The following GPM6A variants were observed in gnomAD, a reference collection of about 807,000 sequenced individuals.
GPM6A encodes glycoprotein M6A.
GPM6A carries 7 observed loss-of-function variants against 32.1 expected under a neutral mutation model. The ratio of observed to expected loss-of-function variants is 0.22; its 90% CI spans 0.12 to 0.41. GPM6A has a LOEUF of 0.41. Ranked by LOEUF, GPM6A falls within the 10% of genes least tolerant of loss-of-function variation. The probability of loss-of-function intolerance (pLI) is 1.00; values close to 1 mark genes in which losing one functional copy is unlikely to be tolerated. For missense variants in GPM6A, 235 were observed against 347.2 expected, an observed-to-expected ratio of 0.68 and a Z score of 2.57; for synonymous variants, 130 against 123.4, an observed-to-expected ratio of 1.05 and a Z score of -0.35.
rs113609306 is a variant in GPM6A, at chr4:175,760,749, A to G, written c.37+51442T>C. On this transcript the variant is annotated intron_variant, in intron 1 of 6. Coordinates refer to ENST00000393658, the MANE Select transcript of GPM6A (RefSeq NM_201591.3). ...AATGGATGCAGGTAGAGAGAGAGAG[A>G]GAGAAATAGATACAGAGATATACAC... 5.1e-3 allele frequency among the ~76,000 whole-genome samples: 782 copies of G among 152,240 alleles called. 6 individuals are homozygous for G. The highest frequency in any genetic ancestry group is 0.017 in the African/African-American group (717 of 41,554).
chr4:175,767,760 C>A (rs1264079030), intron 1 of GPM6A, among the ~76,000 whole-genome samples: 1 of 152,178 alleles, frequency 6.6e-6, no homozygotes, highest in African/African-American at 2.4e-5. Flanking sequence ...TAAATATGTT[C>A]AGCAGACACA....
At chr4:175,967,391 A>G (rs1561015528) in intron 1 of GPM6A, among the ~76,000 whole-genome samples, 1 of 152,192 alleles carries the variant, frequency 6.6e-6, no homozygotes, top group Non-Finnish European at 1.5e-5. Flanking sequence ...GTCCTTGCTC[A>G]TCACTCGTTT....
At chr4:175,898,878 G>A (rs1022243979) in intron 1 of GPM6A, among the ~76,000 whole-genome samples, 4 of 152,214 alleles carry the variant, frequency 2.6e-5, no homozygotes, top group Non-Finnish European at 5.9e-5. Context: ...ACAAGGATTC[G>A]ATTACTCATT....
intron 4 of GPM6A, among the ~76,000 whole-genome samples, chr4:175,649,610 C>T (rs771099038): frequency 4.2e-4 from 64 of 152,246 alleles, no homozygotes; most frequent in East Asian, 1.7e-3. Context: ...GCTAATCTCT[C>T]GTGTATTTCT....
intron 1 of GPM6A, among the ~76,000 whole-genome samples, chr4:175,875,634 T>C (rs1353568721): frequency 6.6e-6 from 1 of 152,212 alleles, no homozygotes; most frequent in African/African-American, 2.4e-5. Flanking sequence ...TGCTGGTTAC[T>C]GGTAAAACCA....
chr4:175,685,896 A>G (rs2111021242), intron 2 of GPM6A, among the ~76,000 whole-genome samples: 1 of 152,152 alleles, frequency 6.6e-6, no homozygotes, highest in East Asian at 1.9e-4. Context: ...TTCTAGATTG[A>G]AGTAAAAATG....
intron 1 of GPM6A, among the ~76,000 whole-genome samples, chr4:175,781,730 TGTGG>T (rs1224367089): frequency 2.0e-5 from 3 of 152,194 alleles, no homozygotes. Context: ...TTCTAAAGGC[TGTGG>T]AACTTTGGGT....
At chr4:175,947,111 G>T (rs1739633631) in intron 1 of GPM6A, among the ~76,000 whole-genome samples, 1 of 151,598 alleles carries the variant, frequency 6.6e-6, no homozygotes, top group African/African-American at 2.4e-5. Flanking sequence ...TGCCATAAAA[G>T]GACCAAATAA....
chr4:175,742,808 T>C (rs1319316081), intron 1 of GPM6A, among the ~76,000 whole-genome samples: 2 of 152,050 alleles, frequency 1.3e-5, no homozygotes, highest in Non-Finnish European at 2.9e-5. Context: ...CCTAAATATG[T>C]TGAGAATACG....
At position 175,838,090 on chromosome 4, in the gene GPM6A, A is replaced by AACACACACACAC. The variant is rs763166079; in HGVS notation, c.-22-25853_-22-25842dup. ...TAGCCGTTCAGTAGGCCTTGGTTAA[A>AACACACACACAC]ACACACACACACACACACACAGACA... On this transcript the variant is annotated intron_variant, in intron 1 of 7. Transcript: ENST00000280187. Among the ~76,000 whole-genome samples, 27 of 114,960 alleles carry AACACACACACAC rather than the reference A, an allele frequency of 2.3e-4. No homozygotes were observed. The South Asian group carries it at 4.3e-3, about 18-fold the overall frequency. The allele number at this position is 114,960 out of a possible 152,430, so 75.4% of individuals were successfully genotyped here. A position where few individuals can be genotyped will look rare whatever the true frequency, so the allele number is the denominator to read the frequency against.
In GPM6A at chr4:175,633,008, A is replaced by C. The variant is rs945850468; in HGVS notation, c.*1897T>G. 1 of 152,460 alleles carries C rather than the reference A, an allele frequency of 6.6e-6. No individual in the cohort carries two copies. The highest frequency in any genetic ancestry group is 2.4e-5 in the African/African-American group (1 of 41,440). 9.4% of individuals were successfully genotyped at this position (152,460 alleles called of 1,614,324 possible). On this transcript the variant is annotated 3_prime_UTR_variant, in exon 7 of 7. Coordinates refer to ENST00000393658, the MANE Select transcript of GPM6A (RefSeq NM_201591.3). The stretch of plus-strand genomic sequence containing the variant: ...AAGCACTCTGTTCTACATTTCAAAA[A>C]CGCCACCATCAAGCTGTTGGCACAT...
chr4:175,899,184 T>C (rs1004340970), intron 1 of GPM6A, among the ~76,000 whole-genome samples: 5 of 152,178 alleles, frequency 3.3e-5, no homozygotes, highest in African/African-American at 1.2e-4. Flanking sequence ...CTTAAAACTG[T>C]ATTATGTAAT....
intron 1 of GPM6A, among the ~76,000 whole-genome samples, chr4:175,947,088 A>G (rs1488452385): frequency 6.6e-6 from 1 of 152,108 alleles, no homozygotes; most frequent in East Asian, 1.9e-4. Flanking sequence ...CATCTTCATT[A>G]AAATCCATTT....
intron 1 of GPM6A, among the ~76,000 whole-genome samples, chr4:175,847,616 C>A (rs1736130393): frequency 6.6e-6 from 1 of 152,004 alleles, no homozygotes; most frequent in Admixed American, 6.6e-5. Context: ...AGTAGTGATG[C>A]TGGCAATTTG....
At chr4:175,803,383 T>TA (rs1323576224) in intron 1 of GPM6A, among the ~76,000 whole-genome samples, 2 of 152,150 alleles carry the variant, frequency 1.3e-5, no homozygotes, top group Admixed American at 6.5e-5. Context: ...AAATAACTGT[T>TA]ACAACAATTC....
At chr4:175,848,330 A>C (rs1402781940) in intron 1 of GPM6A, among the ~76,000 whole-genome samples, 2 of 152,186 alleles carry the variant, frequency 1.3e-5, no homozygotes, top group African/African-American at 4.8e-5. Flanking sequence ...TTACCTCTGA[A>C]AGTCAACGAA....
In GPM6A at chr4:175,693,460, G is replaced by A. The variant is rs867924510; in HGVS notation, c.230+8115C>T. On this transcript the variant is annotated intron_variant, in intron 2 of 6. Coordinates refer to ENST00000393658, the MANE Select transcript of GPM6A (RefSeq NM_201591.3). ...AAGATAGCTATTCTTGAGTTAACAA[G>A]ACTAAGTGAATTACAGACTGTAAGC... is the stretch of plus-strand genomic sequence containing the variant. Among the ~76,000 whole-genome samples, 9 of 151,896 alleles carry A rather than the reference G, an allele frequency of 5.9e-5. No individual in the cohort carries two copies. In the South Asian group the frequency reaches 1.0e-3, roughly 18 times the overall value.
intron 1 of GPM6A, among the ~76,000 whole-genome samples, chr4:175,939,136 T>C (rs537028085): frequency 7.2e-5 from 11 of 152,334 alleles, no homozygotes; most frequent in African/African-American, 2.6e-4. Flanking sequence ...GGTATCTGCA[T>C]AGAAGTCTAA....
chr4:175,682,468 G>A (rs547829579), intron 2 of GPM6A, among the ~76,000 whole-genome samples: 18 of 152,180 alleles, frequency 1.2e-4, no homozygotes, highest in Admixed American at 1.0e-3. Flanking sequence ...TATGCATAAC[G>A]GAAAAAGAGC....
Sources: allele counts gnomAD v4.1 joint callset (sites outside exome capture counted in the v4.1 genomes callset), GRCh38; gene constraint gnomAD v4.1.1; transcripts MANE v1.5; gene names NCBI Gene and HGNC (gene_info 2026-07-23, HGNC 2026-07-21).